The following PCDH9 variants were observed in gnomAD, a reference collection of about 807,000 sequenced individuals.
PCDH9 encodes the protein protocadherin 9.
In PCDH9, 24 loss-of-function variants were observed where a neutral mutation model predicts 70.6. That is an observed-to-expected ratio of 0.34 (90% CI 0.25 to 0.48). PCDH9 has a LOEUF of 0.48. Ranked by LOEUF, PCDH9 falls within the 20% of genes least tolerant of loss-of-function variation. The pLI, the probability that PCDH9 is intolerant of heterozygous loss-of-function variation, is 0.99. For missense variants in PCDH9, 1,281 were observed against 1,503.6 expected (o/e 0.85, Z 2.45); for synonymous variants, 562 against 558.5 (o/e 1.01, Z -0.09).
chr13:66,835,522 G>A (rs560011260), intron 3 of PCDH9, among the ~76,000 whole-genome samples: 2 of 152,312 alleles, frequency 1.3e-5, no homozygotes, highest in East Asian at 3.9e-4. Flanking sequence ...AGTAGATTTA[G>A]CAGAGGTCAC....
At chr13:66,580,025 A>C (rs572472857) in intron 4 of PCDH9, among the ~76,000 whole-genome samples, 16 of 152,168 alleles carry the variant, frequency 1.1e-4, no homozygotes, top group African/African-American at 3.6e-4. Flanking sequence ...TATGTCTTTG[A>C]TCTCTTAAGT....
At chr13:66,504,123 C>A (rs2138567558) in intron 4 of PCDH9, among the ~76,000 whole-genome samples, 1 of 152,322 alleles carries the variant, frequency 6.6e-6, no homozygotes, top group South Asian at 2.1e-4. Flanking sequence ...TACTCACTGG[C>A]TCCGTTTGTC....
At chr13:67,064,734 A>C (rs986549281) in intron 2 of PCDH9, among the ~76,000 whole-genome samples, 2 of 152,138 alleles carry the variant, frequency 1.3e-5, no homozygotes, top group Non-Finnish European at 2.9e-5. Flanking sequence ...TTCCCAAAAG[A>C]TGGAATTTGT....
chr13:66,716,563 C>T (rs1044540680), intron 3 of PCDH9, among the ~76,000 whole-genome samples: 19 of 152,110 alleles, frequency 1.2e-4, no homozygotes, highest in African/African-American at 4.6e-4. Context: ...CTACAACAGG[C>T]AGATGGATTC....
intron 4 of PCDH9, among the ~76,000 whole-genome samples, chr13:66,526,369 C>T (rs193195424): frequency 3.7e-4 from 57 of 152,078 alleles, no homozygotes; most frequent in African/African-American, 1.3e-3. Context: ...TTTTGATGAA[C>T]CATTTTGTCA....
chr13:66,396,304 T>C (rs1957100621), intron 4 of PCDH9, among the ~76,000 whole-genome samples: 1 of 152,202 alleles, frequency 6.6e-6, no homozygotes, highest in African/African-American at 2.4e-5. Context: ...TGAATAACCA[T>C]GTTGCTAAAA....
intron 3 of PCDH9, among the ~76,000 whole-genome samples, chr13:66,788,387 C>A (rs2080111925): frequency 6.6e-6 from 1 of 152,138 alleles, no homozygotes; most frequent in Non-Finnish European, 1.5e-5. Context: ...ATAGCATTAA[C>A]CTTGGGTAAG....
At chr13:66,521,424 C>T (rs959520435) in intron 4 of PCDH9, among the ~76,000 whole-genome samples, 3 of 152,126 alleles carry the variant, frequency 2.0e-5, no homozygotes, top group Admixed American at 2.0e-4. Context: ...AAACAGTCAC[C>T]ACTTTGAAGA....
rs114484814 is a variant in PCDH9 at position 67,078,770 on chromosome 13, C to G, written c.3036+146635G>C. Among the ~76,000 whole-genome samples, 1,164 of 152,266 alleles carry G rather than the reference C, an allele frequency of 7.6e-3. 18 individuals are homozygous for G. Among genetic ancestry groups the G allele is most frequent in the African/African-American group, 0.026 (1,083 of 41,550 alleles). ...TCTTTGTAAGGAAGAAACACAGCAG[C>G]TTGGAACTTCTAGAAGTTCAGCAGC... On this transcript the variant is annotated intron_variant, in intron 2 of 4. Transcript: ENST00000377865.
intron 4 of PCDH9, among the ~76,000 whole-genome samples, chr13:66,465,688 A>G (rs1315334678): frequency 6.6e-6 from 1 of 151,888 alleles, no homozygotes; most frequent in Non-Finnish European, 1.5e-5. Context: ...CAGTTTTCTC[A>G]TTTTTGAAAT....
chr13:66,828,887 T>C (rs571698495), intron 3 of PCDH9, among the ~76,000 whole-genome samples: 18 of 152,012 alleles, frequency 1.2e-4, no homozygotes, highest in Middle Eastern at 3.5e-3. Context: ...ATGAGCAGCA[T>C]TAAAAGTATA....
intron 4 of PCDH9, among the ~76,000 whole-genome samples, chr13:66,369,195 C>T (rs536644768): frequency 2.4e-4 from 37 of 152,180 alleles, no homozygotes; most frequent in African/African-American, 8.7e-4. Context: ...CATCTGTGCC[C>T]TTTACTGCAA....
intron 3 of PCDH9, among the ~76,000 whole-genome samples, chr13:66,699,190 A>T (rs1485276120): frequency 1.3e-5 from 2 of 152,116 alleles, no homozygotes; most frequent in Admixed American, 1.3e-4. Flanking sequence ...CTGGGATTAC[A>T]GGTGTGAGCC....
chr13:66,960,198 T>C (rs1219686525), intron 2 of PCDH9, among the ~76,000 whole-genome samples: 3 of 152,238 alleles, frequency 2.0e-5, no homozygotes, highest in Admixed American at 6.5e-5. Flanking sequence ...ACAGAGCTTT[T>C]GATCATCAGC....
intron 3 of PCDH9, among the ~76,000 whole-genome samples, chr13:66,674,757 A>G (rs1221710285): frequency 6.6e-6 from 1 of 152,086 alleles, no homozygotes; most frequent in African/African-American, 2.4e-5. Context: ...ATTCAGTTTC[A>G]TCTAATTAGT....
chr13:66,967,053 G>A (rs1383662869), intron 2 of PCDH9, among the ~76,000 whole-genome samples: 2 of 152,002 alleles, frequency 1.3e-5, no homozygotes, highest in Non-Finnish European at 2.9e-5. Context: ...AACAAGGAAG[G>A]AGGACTATGC....
intron 2 of PCDH9, among the ~76,000 whole-genome samples, chr13:67,169,570 A>G (rs2088218915): frequency 6.6e-6 from 1 of 152,200 alleles, no homozygotes; most frequent in South Asian, 2.1e-4. Flanking sequence ...GTTCCACAAT[A>G]AACTAAAGGG....
At chr13:66,564,039 C>G (rs1167698642) in intron 4 of PCDH9, among the ~76,000 whole-genome samples, 1 of 152,002 alleles carries the variant, frequency 6.6e-6, no homozygotes, top group African/African-American at 2.4e-5. Context: ...GTACATAATC[C>G]AAGCTTAAGG....
chr13:66,400,335 A>C (rs142395522), intron 4 of PCDH9, among the ~76,000 whole-genome samples: 4 of 152,342 alleles, frequency 2.6e-5, no homozygotes, highest in African/African-American at 4.8e-5. Context: ...AGTTGCTAAC[A>C]GTTGAAGATG....
Sources: allele counts gnomAD v4.1 joint callset (sites outside exome capture counted in the v4.1 genomes callset), GRCh38; gene constraint gnomAD v4.1.1; transcripts MANE v1.5; gene names NCBI Gene and HGNC (gene_info 2026-07-23, HGNC 2026-07-21).